The following GOLGA8A variants were observed in gnomAD, a reference collection of about 807,000 sequenced individuals.
The protein encoded by GOLGA8A is golgin subfamily A member 8A.
In GOLGA8A, 3 loss-of-function variants were observed where a neutral mutation model predicts 22.1. That is an observed-to-expected ratio of 0.14 (90% CI 0.06 to 0.35). The LOEUF is 0.35. Ranked by LOEUF, GOLGA8A falls within the 10% of genes least tolerant of loss-of-function variation. GOLGA8A has a pLI of 1.00. For missense variants in GOLGA8A, 16 were observed against 233.2 expected (o/e 0.07, Z 6.07); for synonymous variants, 7 against 91.7 (o/e 0.08, Z 5.28).
In GOLGA8A at chr15:34,379,657, T is replaced by C. The variant is rs1443709871; in HGVS notation, c.*1754A>G. 1 of 152,622 alleles carries C rather than the reference T, an allele frequency of 6.6e-6. No individual in the cohort carries two copies. The highest frequency in any genetic ancestry group is 1.5e-5 in the Non-Finnish European group (1 of 68,044). The allele number at this position is 152,622 out of a possible 1,614,324, so 9.5% of individuals were successfully genotyped here. ...TCATGAGGCTGCCAAGTGCTAAAAA[T>C]GGAGATGGTCTAGTAACTAGAAAAC... On this transcript the variant is annotated 3_prime_UTR_variant, in exon 25 of 25. Coordinates refer to ENST00000359187, the MANE Select transcript of GOLGA8A (RefSeq NM_181077.5).
chr15:34,424,366 A>AC (rs1221729658), intron 2 of GOLGA8A, among the ~76,000 whole-genome samples: 3 of 134,662 alleles, frequency 2.2e-5, no homozygotes, highest in Non-Finnish European at 3.2e-5. Context: ...TCCACGATGG[A>AC]CCCCATAACA....
intron 4 of GOLGA8A, 144 bp downstream of exon 4, chr15:34,406,526 TAAAC>T (rs940830841): frequency 1.9e-5 from 1 of 53,742 alleles, no homozygotes; most frequent in South Asian, 8.8e-4. Flanking sequence ...TCAAAAAAAA[TAAAC>T]AAATAAAGCC....
intron 2 of GOLGA8A, among the ~76,000 whole-genome samples, chr15:34,434,449 CG>C (rs761250163): frequency 6.7e-6 from 1 of 149,200 alleles, no homozygotes; most frequent in African/African-American, 2.5e-5. Flanking sequence ...ACCTAACTCC[CG>C]GGCCTCCCTT....
chr15:34,435,071 A>T (rs962860700), intron 2 of GOLGA8A, among the ~76,000 whole-genome samples: 1 of 149,454 alleles, frequency 6.7e-6, no homozygotes, highest in Non-Finnish European at 1.5e-5. Context: ...AAGACTTCAG[A>T]CGACGGTGTC....
chr15:34,425,660 C>T (rs1892955304), intron 2 of GOLGA8A, among the ~76,000 whole-genome samples: 1 of 144,696 alleles, frequency 6.9e-6, no homozygotes, highest in African/African-American at 2.5e-5. Context: ...GGACAAGTGG[C>T]ATCTGAGAGA....
rs889483707 is a variant in GOLGA8A at position 34,437,685 on chromosome 15, G to C, written c.-1499C>G. Among the ~76,000 whole-genome samples the C allele has an allele frequency of 2.3e-5, 3 of 130,578 alleles. No individual in the cohort carries two copies. Among genetic ancestry groups the C allele is most frequent in the Non-Finnish European group, 4.9e-5 (3 of 60,638 alleles). 85.7% of individuals were successfully genotyped at this position (130,578 alleles called of 152,430 possible). ...GCCGCGCCGCCGTCCTCGCCGCGCC[G>C]CCGTCCTCGCCGCGCCGCCGTCCTC... On this transcript the variant is annotated 5_prime_UTR_variant, in exon 1 of 25. Coordinates refer to ENST00000359187, the MANE Select transcript of GOLGA8A (RefSeq NM_181077.5).
At chr15:34,386,120 GAT>G (rs1189353072) in intron 12 of GOLGA8A, among the ~76,000 whole-genome samples, 1 of 147,758 alleles carries the variant, frequency 6.8e-6, no homozygotes, top group East Asian at 1.9e-4. Context: ...ACGGGCCAGG[GAT>G]GGTTCTTCAC....
intron 2 of GOLGA8A, among the ~76,000 whole-genome samples, chr15:34,431,180 A>C (rs1216092063): frequency 6.8e-6 from 1 of 147,258 alleles, no homozygotes; most frequent in Non-Finnish European, 1.5e-5. Context: ...CATAAACGAT[A>C]CTTGTTTATT....
intron 16 of GOLGA8A, among the ~76,000 whole-genome samples, chr15:34,384,417 GGCAGA>G (rs1891622485): frequency 8.3e-6 from 1 of 121,136 alleles, no homozygotes; most frequent in Admixed American, 8.1e-5. Flanking sequence ...AGATCACTTA[GGCAGA>G]GCTAGGATTT....
At position 34,436,628 on chromosome 15, in the gene GOLGA8A, A is replaced by G. The variant is rs915443483; in HGVS notation, c.-1212+770T>C. 2.8e-4 allele frequency among the ~76,000 whole-genome samples: 42 copies of G among 149,806 alleles called. 1 individual carries two copies. Among genetic ancestry groups the G allele is most frequent in the African/African-American group, 1.0e-3 (41 of 40,648 alleles). The stretch of plus-strand genomic sequence containing the variant: ...ACCCTCCCTCCGCGTCGGCCCGGAG[A>G]AAAGGAAGTTCGCCCCTAGCCTGGG... On this transcript the variant is annotated intron_variant, in intron 1 of 24. Coordinates refer to ENST00000359187, the MANE Select transcript of GOLGA8A (RefSeq NM_181077.5).
chr15:34,431,326 T>C lies in GOLGA8A; in HGVS notation c.-1123+4057A>G, dbSNP rs868007427. 1.7e-4 allele frequency among the ~76,000 whole-genome samples: 6 copies of C among 34,888 alleles called. 1 individual carries two copies. The highest frequency in any genetic ancestry group is 4.0e-4 in the African/African-American group (6 of 15,154). The allele number at this position is 34,888 out of a possible 152,430, so 22.9% of individuals were successfully genotyped here. ...ATATATATATACATATATATATATA[T>C]ATATATATATATATATATATCTCAC... On this transcript the variant is annotated intron_variant, in intron 2 of 24. Coordinates refer to ENST00000359187, the MANE Select transcript of GOLGA8A (RefSeq NM_181077.5).
rs74196569 is a variant in GOLGA8A, at chr15:34,434,822, C to G, written c.-1123+561G>C. 1.3e-5 allele frequency among the ~76,000 whole-genome samples: 2 copies of G among 149,236 alleles called. 1 individual carries two copies. The highest frequency in any genetic ancestry group is 4.9e-5 in the African/African-American group (2 of 40,460). On this transcript the variant is annotated intron_variant, in intron 2 of 24. Coordinates refer to ENST00000359187, the MANE Select transcript of GOLGA8A (RefSeq NM_181077.5). ...TACCTGTGCCTCCACGTCCCCAGTG[C>G]TCACGGCCACCTGGCAAGGGTGAGG...
intron 2 of GOLGA8A, among the ~76,000 whole-genome samples, chr15:34,429,878 C>A (rs1034016412): frequency 6.8e-6 from 1 of 147,848 alleles, no homozygotes; most frequent in Non-Finnish European, 1.5e-5. Flanking sequence ...GTTAGTGTCC[C>A]GCACCCCTTT....
intron 2 of GOLGA8A, among the ~76,000 whole-genome samples, chr15:34,427,145 A>C (rs1893016888): frequency 1.4e-5 from 2 of 147,408 alleles, no homozygotes; most frequent in South Asian, 2.2e-4. Flanking sequence ...ATCCTGGCTA[A>C]CACGGTGAAA....
rs1006236656 is a variant in GOLGA8A, at chr15:34,427,923, T to C, written c.-1123+7460A>G. Among the ~76,000 whole-genome samples the C allele has an allele frequency of 3.0e-4, 45 of 148,704 alleles. 2 individuals carry two copies. Among genetic ancestry groups the C allele is most frequent in the African/African-American group, 1.1e-3 (44 of 40,294 alleles). On this transcript the variant is annotated intron_variant, in intron 2 of 24. Coordinates refer to ENST00000359187, the MANE Select transcript of GOLGA8A (RefSeq NM_181077.5). ...CCATCCCCACTCCCACTGCCCGATG[T>C]GTCATGGGAAGTCTCTGAAATTCAG...
chr15:34,423,680 T>G (rs574097810), intron 2 of GOLGA8A, among the ~76,000 whole-genome samples: 6 of 148,538 alleles, frequency 4.0e-5, no homozygotes, highest in South Asian at 2.2e-4. Flanking sequence ...GGGCCTCCCC[T>G]GGGGCCATGG....
At chr15:34,421,541 C>A (rs567983813) in intron 2 of GOLGA8A, among the ~76,000 whole-genome samples, 3 of 142,782 alleles carry the variant, frequency 2.1e-5, no homozygotes, top group African/African-American at 7.8e-5. Flanking sequence ...ACAGATTACT[C>A]GTTTTCAAGC....
chr15:34,405,800 T>C (rs1166669332), intron 4 of GOLGA8A, among the ~76,000 whole-genome samples: 1 of 138,022 alleles, frequency 7.2e-6, no homozygotes, highest in African/African-American at 2.5e-5. Context: ...CCTCTCATAA[T>C]GGGACGCCAA....
chr15:34,434,199 G>A (rs901313011), intron 2 of GOLGA8A, among the ~76,000 whole-genome samples: 9 of 149,336 alleles, frequency 6.0e-5, no homozygotes, highest in Non-Finnish European at 7.4e-5. Flanking sequence ...GGGAGCGAGC[G>A]GGGGAACTTG....
Sources: allele counts gnomAD v4.1 joint callset (sites outside exome capture counted in the v4.1 genomes callset), GRCh38; gene constraint gnomAD v4.1.1; transcripts MANE v1.5; gene names NCBI Gene and HGNC (gene_info 2026-07-23, HGNC 2026-07-21).